The following MAST4 variants were observed in gnomAD, a reference collection of about 807,000 sequenced individuals.
MAST4 encodes microtubule associated serine/threonine kinase family member 4.
A neutral mutation model predicts 162.7 loss-of-function variants in MAST4; 89 were observed. The observed-to-expected ratio is 0.55, with a 90% CI of 0.46 to 0.65. The LOEUF is 0.65. Among genes scored for constraint, MAST4 ranks in the 30% least tolerant of loss-of-function variants. The pLI is 0.00. For missense variants in MAST4, 3,153 were observed against 3,374.0 expected, an observed-to-expected ratio of 0.93 and a Z score of 1.62; for synonymous variants, 1,479 against 1,361.1, an observed-to-expected ratio of 1.09 and a Z score of -1.91.
At chr5:66,952,950 T>A (rs1441229668) in intron 4 of MAST4, among the ~76,000 whole-genome samples, 1 of 152,222 alleles carries the variant, frequency 6.6e-6, no homozygotes, top group Non-Finnish European at 1.5e-5. Context: ...TTTTCCCTGA[T>A]AAATGGAGAC....
At chr5:66,840,496 A>G (rs1758342786) in intron 3 of MAST4, among the ~76,000 whole-genome samples, 1 of 152,162 alleles carries the variant, frequency 6.6e-6, no homozygotes, top group African/African-American at 2.4e-5. Flanking sequence ...AAACTTGGGT[A>G]GTGTGATAGA....
chr5:67,072,344 G>C (rs1005668012), intron 5 of MAST4, among the ~76,000 whole-genome samples: 6 of 152,108 alleles, frequency 3.9e-5, no homozygotes, highest in South Asian at 2.1e-4. Context: ...AAAAGCCCTT[G>C]ATAAAATTAA....
chr5:66,807,502 C>CAAA (rs57438295), intron 3 of MAST4, among the ~76,000 whole-genome samples: 100 of 129,202 alleles, frequency 7.7e-4, no homozygotes, highest in Non-Finnish European at 1.0e-3. Flanking sequence ...GACTCCGTCT[C>CAAA]AAAAAAAAAA....
intron 2 of MAST4, among the ~76,000 whole-genome samples, chr5:66,763,559 A>G (rs576476186): frequency 7.5e-4 from 114 of 152,322 alleles, no homozygotes; most frequent in Non-Finnish European, 1.2e-3. Context: ...ATATTATGGT[A>G]CGCACATAAA....
intron 3 of MAST4, among the ~76,000 whole-genome samples, chr5:66,829,075 CAG>C (rs1208053412): frequency 6.6e-6 from 1 of 152,094 alleles, no homozygotes; most frequent in African/African-American, 2.4e-5. Context: ...CTGCTTTTGT[CAG>C]AGACAATAGA....
chr5:67,129,699 G>C (rs1447024159), intron 14 of MAST4, among the ~76,000 whole-genome samples: 1 of 150,632 alleles, frequency 6.6e-6, no homozygotes, highest in Admixed American at 6.6e-5. Context: ...ACTCTAGCCT[G>C]GGCGACAGAG....
At chr5:67,061,403 T>C (rs1031127064) in intron 5 of MAST4, among the ~76,000 whole-genome samples, 1 of 152,216 alleles carries the variant, frequency 6.6e-6, no homozygotes, top group East Asian at 1.9e-4. Context: ...TCCCTCTCTT[T>C]TGTTTAATTT....
intron 1 of MAST4, among the ~76,000 whole-genome samples, chr5:66,700,410 A>G (rs4700156): frequency 0.74 from 112,226 of 151,960 alleles, 42,129 homozygotes; most frequent in East Asian, 0.88. Flanking sequence ...GATATGATAC[A>G]CTTAAATGTT....
intron 4 of MAST4, among the ~76,000 whole-genome samples, chr5:66,973,349 T>G (rs1250547328): frequency 6.6e-6 from 1 of 152,148 alleles, no homozygotes; most frequent in Non-Finnish European, 1.5e-5. Flanking sequence ...AGTTGTTGTA[T>G]CTCTTTCTTT....
chr5:66,678,649 C>T (rs1052824646), intron 1 of MAST4, among the ~76,000 whole-genome samples: 1 of 151,774 alleles, frequency 6.6e-6, no homozygotes, highest in African/African-American at 2.4e-5. Context: ...TGCACGCCAC[C>T]ACACTCAGCT....
At chr5:66,872,467 G>A (rs1761010828) in intron 3 of MAST4, among the ~76,000 whole-genome samples, 2 of 152,250 alleles carry the variant, frequency 1.3e-5, no homozygotes, top group Middle Eastern at 3.4e-3. Flanking sequence ...ACCACACCTG[G>A]CCAGGATATA....
At position 66,596,461 on chromosome 5, in the gene MAST4, G is replaced by T; in HGVS notation, c.-195G>T. ...GCGCGGGAGCCTCCGTTTGCGGCCG[G>T]GCCCGGGCGGCTGTGAACTTAGCAG... On this transcript the variant is annotated 5_prime_UTR_variant, in exon 1 of 29. Coordinates refer to ENST00000403625, the MANE Select transcript of MAST4 (RefSeq NM_001164664.2). 1 of 614,826 alleles carries T rather than the reference G, an allele frequency of 1.6e-6. No individual in the cohort carries two copies. 38.1% of individuals were successfully genotyped at this position (614,826 alleles called of 1,614,324 possible). A position where few individuals can be genotyped will look rare whatever the true frequency, so the allele number is the denominator to read the frequency against.
intron 2 of MAST4, among the ~76,000 whole-genome samples, chr5:66,768,691 G>A (rs1162580509): frequency 6.6e-6 from 1 of 152,142 alleles, no homozygotes; most frequent in African/African-American, 2.4e-5. Context: ...AGGGATCCTT[G>A]CGATGATGGA....
At chr5:67,145,543 G>A (rs192358190) in intron 23 of MAST4, among the ~76,000 whole-genome samples, 164 bp downstream of exon 23, 1 of 152,308 alleles carries the variant, frequency 6.6e-6, no homozygotes, top group East Asian at 1.9e-4. Context: ...TCTTCTGAGA[G>A]CTAAGATCAG....
intron 1 of MAST4, among the ~76,000 whole-genome samples, chr5:66,702,002 C>T (rs1168018999): frequency 1.3e-5 from 2 of 152,066 alleles, no homozygotes; most frequent in Non-Finnish European, 2.9e-5. Context: ...ATATTTTTCC[C>T]TGTGGAAATG....
chr5:66,613,875 A>G (rs568135553), intron 1 of MAST4, among the ~76,000 whole-genome samples: 4 of 152,370 alleles, frequency 2.6e-5, no homozygotes, highest in Non-Finnish European at 5.9e-5. Flanking sequence ...TCAGTATTCT[A>G]TAAGCATAGG....
intron 4 of MAST4, among the ~76,000 whole-genome samples, chr5:67,039,682 A>G (rs113822845): frequency 1.8e-3 from 270 of 152,294 alleles, no homozygotes; most frequent in African/African-American, 6.3e-3. Context: ...ACTTTTCCTC[A>G]TTAACTGAAG....
chr5:66,980,736 A>G (rs547172763), intron 4 of MAST4, among the ~76,000 whole-genome samples: 1 of 152,374 alleles, frequency 6.6e-6, no homozygotes, highest in African/African-American at 2.4e-5. Context: ...GATAATGTTT[A>G]CGTAGCGTGT....
At chr5:66,725,331 A>AT (rs1436821027) in intron 1 of MAST4, among the ~76,000 whole-genome samples, 1 of 152,126 alleles carries the variant, frequency 6.6e-6, no homozygotes, top group East Asian at 1.9e-4. Flanking sequence ...TTCTCGTTAC[A>AT]TTTTTGATTT....
Sources: allele counts gnomAD v4.1 joint callset (sites outside exome capture counted in the v4.1 genomes callset), GRCh38; gene constraint gnomAD v4.1.1; transcripts MANE v1.5; gene names NCBI Gene and HGNC (gene_info 2026-07-23, HGNC 2026-07-21).